PTK2B: variants seen among roughly 807,000 people sequenced by gnomAD.
PTK2B encodes the protein protein tyrosine kinase 2 beta.
PTK2B carries 71 observed loss-of-function variants against 142.9 expected under a neutral mutation model. The ratio of observed to expected loss-of-function variants is 0.50; its 90% CI spans 0.41 to 0.61. The LOEUF (loss-of-function observed/expected upper bound fraction) is 0.61, where lower values mean the gene tolerates loss of function less well. Among genes scored for constraint, PTK2B ranks in the 20% least tolerant of loss-of-function variants. The pLI is 0.00. For missense variants in PTK2B, 1,105 were observed against 1,320.4 expected (o/e 0.84, Z 2.53); for synonymous variants, 519 against 503.4 (o/e 1.03, Z -0.42).
intron 2 of PTK2B, among the ~76,000 whole-genome samples, chr8:27,419,030 GA>G (rs5890369): frequency 0.36 from 53,972 of 150,054 alleles, 10,195 homozygotes; most frequent in Middle Eastern, 0.46. Context: ...TCCATCTCAA[GA>G]AAAAAAAAAT....
intron 1 of PTK2B, among the ~76,000 whole-genome samples, chr8:27,339,695 T>C (rs961515803): frequency 8.5e-5 from 13 of 152,194 alleles, no homozygotes; most frequent in African/African-American, 2.9e-4. Flanking sequence ...CTGGCGTAGT[T>C]GACTCTGGAT....
intron 3 of PTK2B, among the ~76,000 whole-genome samples, chr8:27,314,930 G>A (rs1407666762): frequency 6.6e-6 from 1 of 152,100 alleles, no homozygotes; most frequent in Non-Finnish European, 1.5e-5. Context: ...GCCAGACCCT[G>A]TCTCAAAAAA....
intron 1 of PTK2B, among the ~76,000 whole-genome samples, chr8:27,388,777 C>CCA (rs1428070186): frequency 1.3e-5 from 2 of 152,180 alleles, no homozygotes; most frequent in African/African-American, 4.8e-5. Context: ...TTGCCAGTGG[C>CCA]CACACACACA....
intron 5 of PTK2B, among the ~76,000 whole-genome samples, chr8:27,425,254 T>G (rs73225321): frequency 0.13 from 19,986 of 151,626 alleles, 1,675 homozygotes; most frequent in Admixed American, 0.2. Flanking sequence ...AGTATACTAT[T>G]GTATAGTATT....
intron 24 of PTK2B, among the ~76,000 whole-genome samples, chr8:27,449,688 C>T (rs1811685258): frequency 6.6e-6 from 1 of 152,196 alleles, no homozygotes; most frequent in African/African-American, 2.4e-5. Context: ...AGGCCAGGGT[C>T]CCCATGTGCA....
At chr8:27,384,561 T>C (rs1807224845) in intron 1 of PTK2B, among the ~76,000 whole-genome samples, 1 of 152,262 alleles carries the variant, frequency 6.6e-6, no homozygotes, top group African/African-American at 2.4e-5. Flanking sequence ...AGAATAGATC[T>C]TAAGTGTTTT....
intron 3 of PTK2B, among the ~76,000 whole-genome samples, chr8:27,316,228 A>G (rs1803091075): frequency 6.6e-6 from 1 of 152,178 alleles, no homozygotes; most frequent in Admixed American, 6.5e-5. Context: ...TGTGTAAGGA[A>G]TAACTTTTTA....
At chr8:27,455,174 G>A (rs1812072442) in intron 30 of PTK2B, among the ~76,000 whole-genome samples, 1 of 152,006 alleles carries the variant, frequency 6.6e-6, no homozygotes, top group Non-Finnish European at 1.5e-5. Flanking sequence ...TAAAGTTAAG[G>A]ACCTTGAGAT....
chr8:27,361,609 G>A (rs1034284199), intron 1 of PTK2B, among the ~76,000 whole-genome samples: 2 of 152,134 alleles, frequency 1.3e-5, no homozygotes, highest in Non-Finnish European at 2.9e-5. Context: ...ACTTCAGGGA[G>A]GGACCTTGGA....
intron 1 of PTK2B, among the ~76,000 whole-genome samples, chr8:27,395,669 A>G (rs1167864781): frequency 6.6e-6 from 1 of 152,126 alleles, no homozygotes; most frequent in Non-Finnish European, 1.5e-5. Context: ...GTGGTGTATA[A>G]ATACCCCAGA....
intron 1 of PTK2B, among the ~76,000 whole-genome samples, chr8:27,390,809 A>G (rs562061527): frequency 2.0e-5 from 3 of 152,272 alleles, no homozygotes; most frequent in African/African-American, 7.2e-5. Context: ...ATTCTGCAGG[A>G]TAAGTAATAG....
intron 5 of PTK2B, among the ~76,000 whole-genome samples, chr8:27,428,016 A>G (rs10464950): frequency 0.81 from 123,820 of 151,984 alleles, 50,945 homozygotes; most frequent in Middle Eastern, 0.95. Context: ...TAAATATACA[A>G]CTCACCATAA....
At chr8:27,414,600 C>G (rs973101149) in intron 2 of PTK2B, among the ~76,000 whole-genome samples, 22 of 10,682 alleles carry the variant, frequency 2.1e-3, no homozygotes, top group African/African-American at 3.2e-3. Context: ...TTCTCTCTCT[C>G]TCTCTCTGTG....
chr8:27,312,428 C>A (rs142182257), intron 2 of PTK2B: 73 of 152,296 alleles, frequency 4.8e-4, no homozygotes, highest in African/African-American at 1.7e-3. Context: ...TGTAATGCAA[C>A]CTACTGTAGC....
chr8:27,364,842 A>G (rs1467096810), intron 1 of PTK2B, among the ~76,000 whole-genome samples: 1 of 151,968 alleles, frequency 6.6e-6, no homozygotes, highest in Admixed American at 6.5e-5. Flanking sequence ...CTTTTTCCTC[A>G]TTATCGCCCC....
intron 24 of PTK2B, among the ~76,000 whole-genome samples, chr8:27,450,507 C>A (rs76720144): frequency 1.7e-3 from 263 of 152,260 alleles, no homozygotes; most frequent in African/African-American, 6.0e-3. Context: ...TTGAATACAG[C>A]GCACGTTGAG....
At chr8:27,410,696 G>C (rs1171842510) in intron 2 of PTK2B, among the ~76,000 whole-genome samples, 1 of 152,258 alleles carries the variant, frequency 6.6e-6, no homozygotes, top group Non-Finnish European at 1.5e-5. Context: ...GAGAAGGAAA[G>C]TGAGCTGAGT....
chr8:27,332,021 C>T (rs1006503242), intron 1 of PTK2B, among the ~76,000 whole-genome samples: 1 of 152,172 alleles, frequency 6.6e-6, no homozygotes, highest in African/African-American at 2.4e-5. Context: ...TGGCAACATC[C>T]GGTCACATCC....
intron 2 of PTK2B, among the ~76,000 whole-genome samples, chr8:27,418,509 A>G (rs1378342573): frequency 6.6e-6 from 1 of 152,236 alleles, no homozygotes. Context: ...TAAAATCTAA[A>G]TAATCAAATG....
Sources: gnomAD v4.1 joint callset for allele counts (sites outside exome capture counted in the v4.1 genomes callset) on GRCh38, gnomAD v4.1.1 for gene constraint, MANE v1.5 for transcripts, NCBI Gene and HGNC (gene_info 2026-07-23, HGNC 2026-07-21) for gene names.